Variants in STARD6 observed in about 807,000 individuals in gnomAD.
STARD6 encodes the protein StAR related lipid transfer domain containing 6.
In STARD6, 21 loss-of-function variants were observed where a neutral mutation model predicts 22.3. That is an observed-to-expected ratio of 0.94 (90% CI 0.67 to 1.35). The LOEUF (loss-of-function observed/expected upper bound fraction) is 1.35, where lower values mean the gene tolerates loss of function less well. Among genes scored for constraint, STARD6 ranks in the 40% most tolerant of loss-of-function variants. The pLI, the probability that STARD6 is intolerant of heterozygous loss-of-function variation, is 0.00. For synonymous variants in STARD6, 80 were observed against 88.1 expected (o/e 0.91, Z 0.52); for missense variants, 269 against 266.9 (o/e 1.01, Z -0.05).
At chr18:54,357,447 G>A (rs1287105443) in intron 1 of STARD6, among the ~76,000 whole-genome samples, 1 of 152,150 alleles carries the variant, frequency 6.6e-6, no homozygotes, top group East Asian at 1.9e-4. Flanking sequence ...GCACTGAAGA[G>A]GGAGTGAAAG....
intron 4 of STARD6, among the ~76,000 whole-genome samples, chr18:54,341,038 T>C (rs1472349693): frequency 1.3e-5 from 2 of 152,152 alleles, no homozygotes; most frequent in African/African-American, 4.8e-5. Context: ...CAATAATAAT[T>C]AGATACCTCA....
intron 4 of STARD6, among the ~76,000 whole-genome samples, chr18:54,343,157 C>T (rs1466243132): frequency 9.9e-5 from 4 of 40,210 alleles, no homozygotes; most frequent in African/African-American, 2.4e-4. Context: ...GCCGAGACCC[C>T]GTCTGGGAGG....
intron 4 of STARD6, among the ~76,000 whole-genome samples, chr18:54,345,865 T>C (rs957075679): frequency 5.3e-5 from 8 of 152,066 alleles, no homozygotes; most frequent in Admixed American, 4.6e-4. Flanking sequence ...GCTGGGACAA[T>C]TGGATATTTA....
chr18:54,346,606 C>T (rs534453767), intron 4 of STARD6, among the ~76,000 whole-genome samples: 160 of 152,064 alleles, frequency 1.1e-3, no homozygotes, highest in African/African-American at 3.7e-3. Context: ...AAAATTTGTA[C>T]ACAAATTTCA....
At chr18:54,331,587 G>A (rs2088865033) in intron 6 of STARD6, among the ~76,000 whole-genome samples, 155 bp downstream of exon 6, 1 of 152,054 alleles carries the variant, frequency 6.6e-6, no homozygotes, top group South Asian at 2.1e-4. Context: ...GTGTCACTAG[G>A]CATATCTACA....
intron 5 of STARD6, among the ~76,000 whole-genome samples, chr18:54,334,584 C>T (rs551443466): frequency 6.6e-6 from 1 of 152,040 alleles, no homozygotes; most frequent in Admixed American, 6.6e-5. Context: ...CTTTCTACCT[C>T]AAGGCCTTTG....
At position 54,357,841 on chromosome 18, in the gene STARD6, G is replaced by C. The variant is rs1045752932; in HGVS notation, c.-138C>G. The C allele has an allele frequency of 3.9e-5, 6 of 152,362 alleles. No individual in the cohort carries two copies. Among genetic ancestry groups the C allele is most frequent in the Admixed American group, 2.6e-4 (4 of 15,286 alleles). The allele number at this position is 152,362 out of a possible 1,614,324, so 9.4% of individuals were successfully genotyped here. A position where few individuals can be genotyped will look rare whatever the true frequency, so the allele number is the denominator to read the frequency against. On this transcript the variant is annotated 5_prime_UTR_variant, in exon 1 of 8. Coordinates refer to ENST00000307844, the MANE Select transcript of STARD6 (RefSeq NM_139171.2). Reference sequence around the variant, plus strand: ...CGCTCAACAGCATCCTCTCTTCTCCGGCCGCTCCCTCATCTCCGCTCGCGC... The same window carrying C: ...CGCTCAACAGCATCCTCTCTTCTCCCGCCGCTCCCTCATCTCCGCTCGCGC...
At chr18:54,328,003 A>G (rs2088837904) in intron 7 of STARD6, among the ~76,000 whole-genome samples, 1 of 152,184 alleles carries the variant, frequency 6.6e-6, no homozygotes, top group Non-Finnish European at 1.5e-5. Flanking sequence ...TGTCCCACCC[A>G]GGATGTGAAA....
chr18:54,339,044 CAAAAAAA>C (rs760501311), intron 4 of STARD6, among the ~76,000 whole-genome samples: 116 of 10,400 alleles, frequency 0.011, no homozygotes, highest in African/African-American at 0.024. Context: ...GAGACTCCAT[CAAAAAAA>C]AAAAAAAAAA....
chr18:54,345,219 G>T (rs1307410989), intron 4 of STARD6, among the ~76,000 whole-genome samples: 1 of 152,012 alleles, frequency 6.6e-6, no homozygotes, highest in Non-Finnish European at 1.5e-5. Context: ...AAAATCAATT[G>T]TATTTCTATA....
At chr18:54,335,790 G>T (rs2088905820) in intron 5 of STARD6, among the ~76,000 whole-genome samples, 1 of 152,046 alleles carries the variant, frequency 6.6e-6, no homozygotes, top group Admixed American at 6.6e-5. Flanking sequence ...TTCTGCCATG[G>T]TAACAGAAGA....
intron 4 of STARD6, among the ~76,000 whole-genome samples, chr18:54,352,520 T>C (rs1306931628): frequency 1.3e-5 from 2 of 152,142 alleles, no homozygotes; most frequent in Non-Finnish European, 2.9e-5. Context: ...GCCTTGTGGA[T>C]TCCTTGAGGC....
intron 4 of STARD6, among the ~76,000 whole-genome samples, chr18:54,347,506 T>A (rs2089048126): frequency 6.6e-6 from 1 of 152,122 alleles, no homozygotes; most frequent in Non-Finnish European, 1.5e-5. Context: ...AATTCTATTT[T>A]AAAAATAGTA....
chr18:54,329,995 A>C (rs542841224), intron 6 of STARD6, among the ~76,000 whole-genome samples: 1 of 151,898 alleles, frequency 6.6e-6, no homozygotes, highest in African/African-American at 2.4e-5. Context: ...AAATCAATAG[A>C]GTTTATTTTA....
At chr18:54,331,013 A>G (rs1164400277) in intron 6 of STARD6, among the ~76,000 whole-genome samples, 1 of 152,126 alleles carries the variant, frequency 6.6e-6, no homozygotes, top group East Asian at 1.9e-4. Context: ...TACTAAAGAT[A>G]TCTCGGAGGA....
intron 4 of STARD6, among the ~76,000 whole-genome samples, chr18:54,339,520 G>C (rs1477955266): frequency 2.0e-5 from 3 of 149,208 alleles, no homozygotes; most frequent in Non-Finnish European, 4.4e-5. Flanking sequence ...ACCATAATAA[G>C]ACTGACAGCT....
chr18:54,334,417 C>T (rs2088891521), intron 5 of STARD6, among the ~76,000 whole-genome samples: 1 of 152,086 alleles, frequency 6.6e-6, no homozygotes, highest in Non-Finnish European at 1.5e-5. Flanking sequence ...CAATGGCTTC[C>T]CACTGAACGT....
intron 7 of STARD6, among the ~76,000 whole-genome samples, chr18:54,327,184 T>A (rs2088831280): frequency 6.6e-6 from 1 of 152,216 alleles, no homozygotes; most frequent in Non-Finnish European, 1.5e-5. Context: ...TTGCTAATAA[T>A]AAAATATGTG....
intron 4 of STARD6, among the ~76,000 whole-genome samples, chr18:54,339,537 C>G (rs2088951326): frequency 6.7e-6 from 1 of 149,772 alleles, no homozygotes; most frequent in African/African-American, 2.4e-5. Flanking sequence ...AGCTGGCATG[C>G]CATTAGAAAC....
Sources: gnomAD v4.1 joint callset for allele counts (sites outside exome capture counted in the v4.1 genomes callset) on GRCh38, gnomAD v4.1.1 for gene constraint, MANE v1.5 for transcripts, NCBI Gene and HGNC (gene_info 2026-07-23, HGNC 2026-07-21) for gene names.